The following AIG1 variants were observed in gnomAD, a reference collection of about 807,000 sequenced individuals.
AIG1 encodes the protein androgen-induced gene 1 protein.
A neutral mutation model predicts 31.4 loss-of-function variants in AIG1; 23 were observed. The observed-to-expected ratio is 0.73, with a 90% CI of 0.53 to 1.04. The LOEUF (loss-of-function observed/expected upper bound fraction) is 1.04. Ranked by LOEUF, AIG1 falls within the 50% of genes least tolerant of loss-of-function variation. AIG1 has a pLI of 0.00. For missense variants in AIG1, 274 were observed against 295.0 expected (o/e 0.93, Z 0.52); for synonymous variants, 100 against 110.5 (o/e 0.90, Z 0.60).
intron 3 of AIG1, among the ~76,000 whole-genome samples, chr6:143,210,407 A>G (rs895497643): frequency 6.6e-6 from 1 of 152,242 alleles, no homozygotes; most frequent in Non-Finnish European, 1.5e-5. Flanking sequence ...ACCAGAAATC[A>G]TGATTCTCTC....
rs889370550 is a variant in AIG1 at position 143,329,316 on chromosome 6, G to A, written c.516-3966G>A. ...AGTTTTATGATAAGTTCTTTAGTCT[G>A]ATCTCAGTTTCTTTACCTGTTTAAA... On this transcript the variant is annotated intron_variant, in intron 4 of 5. Coordinates refer to ENST00000357847, the MANE Select transcript of AIG1 (RefSeq NM_016108.4). This position sits in a 1 kb window ranked among gnomAD's most constrained non-coding sequence, Gnocchi z 4.9. Among the ~76,000 whole-genome samples, 4 of 152,142 alleles carry A rather than the reference G, an allele frequency of 2.6e-5. No individual in the cohort carries two copies. Among genetic ancestry groups the A allele is most frequent in the Non-Finnish European group, 5.9e-5 (4 of 68,020 alleles).
intron 1 of AIG1, 55 bp from the exon 2 acceptor site, chr6:143,136,780 C>A: frequency 7.6e-7 from 1 of 1,309,112 alleles, no homozygotes; most frequent in South Asian, 3.1e-5. Flanking sequence ...TTTGCTGTTC[C>A]ACAGCTTGGG....
chr6:143,227,348 A>T (rs1477603714), intron 3 of AIG1, among the ~76,000 whole-genome samples: 1 of 152,096 alleles, frequency 6.6e-6, no homozygotes, highest in East Asian at 1.9e-4. Flanking sequence ...TCTGGTGGAG[A>T]GGAGCCATTA....
chr6:143,316,838 C>G (rs1309714092), intron 4 of AIG1, among the ~76,000 whole-genome samples: 1 of 151,932 alleles, frequency 6.6e-6, no homozygotes, highest in African/African-American at 2.4e-5. Flanking sequence ...ACAACTGATA[C>G]CACAGAAATA....
intron 4 of AIG1, among the ~76,000 whole-genome samples, chr6:143,286,948 G>A (rs985062752): frequency 6.6e-6 from 1 of 151,778 alleles, no homozygotes; most frequent in Admixed American, 6.6e-5. Context: ...CATTCTCGGT[G>A]GTTCTGTTTC....
rs75447344 is a variant in AIG1 at position 143,237,402 on chromosome 6, A to G, written c.400-46708A>G. 4.5e-3 allele frequency among the ~76,000 whole-genome samples: 681 copies of G among 152,348 alleles called. 2 individuals are homozygous for G. Among genetic ancestry groups the G allele is most frequent in the Non-Finnish European group, 7.5e-3 (511 of 68,034 alleles). ...AGTTGAGGCTACAATTTATTCATTT[A>G]ATAAACCTTTATAAGGAACATACGG... On this transcript the variant is annotated intron_variant, in intron 3 of 5. Coordinates refer to ENST00000357847, the MANE Select transcript of AIG1 (RefSeq NM_016108.4).
chr6:143,342,978 C>A, downstream of AIG1: 1 of 994,024 alleles, frequency 1.0e-6, no homozygotes, highest in Non-Finnish European at 1.6e-6. Flanking sequence ...AAGAGCAGTT[C>A]ATGGCAGTGT....
intron 3 of AIG1, chr6:143,188,032 G>A: frequency 1.8e-6 from 2 of 1,081,650 alleles, no homozygotes; most frequent in African/African-American, 3.3e-5. Flanking sequence ...TTTCTTTTAG[G>A]TGATTTTTAA....
chr6:143,291,773 T>C lies in AIG1; in HGVS notation c.515+7548T>C, dbSNP rs1798079160. ...AAGGAAAGCAGAAGGCCACTGTGTGTTGAAGCAGAGTGAGGGAGAGTGCAC... is the reference window on the plus strand; with the variant it reads ...AAGGAAAGCAGAAGGCCACTGTGTGCTGAAGCAGAGTGAGGGAGAGTGCAC... On this transcript the variant is annotated intron_variant, in intron 4 of 5. Transcript: ENST00000357847. The surrounding 1 kb of genome is among the most constrained non-coding windows in gnomAD (Gnocchi z 4.2). 6.6e-6 allele frequency among the ~76,000 whole-genome samples: 1 copy of C among 152,102 alleles called. No individual in the cohort carries two copies. Among genetic ancestry groups the C allele is most frequent in the African/African-American group, 2.4e-5 (1 of 41,402 alleles).
At chr6:143,203,776 A>G (rs117648976) in intron 3 of AIG1, among the ~76,000 whole-genome samples, 49 of 152,318 alleles carry the variant, frequency 3.2e-4, no homozygotes, top group Non-Finnish European at 6.3e-4. Context: ...GACACCTACA[A>G]CAAAGAAGGG....
Position 143,268,660 on chromosome 6 carries a change from G to A in AIG1, c.400-15450G>A, listed in dbSNP as rs980351779. Among the ~76,000 whole-genome samples the A allele has an allele frequency of 2.6e-5, 4 of 152,162 alleles. No individual in the cohort carries two copies. The highest frequency in any genetic ancestry group is 4.4e-5 in the Non-Finnish European group (3 of 68,020). Reference sequence around the variant, plus strand: ...GTCAGCAGATTCATAACCCTGCAGCGCAATTTTGGATTGTCAGAATCTGTT... The same window carrying A: ...GTCAGCAGATTCATAACCCTGCAGCACAATTTTGGATTGTCAGAATCTGTT... On this transcript the variant is annotated intron_variant, in intron 3 of 5. Transcript: ENST00000357847. The surrounding 1 kb of genome is among the most constrained non-coding windows in gnomAD (Gnocchi z 5.0).
At chr6:143,276,211 T>A (rs1182559970) in intron 3 of AIG1, among the ~76,000 whole-genome samples, 1 of 152,242 alleles carries the variant, frequency 6.6e-6, no homozygotes, top group South Asian at 2.1e-4. Flanking sequence ...TGCAACGATA[T>A]GCATGTCTTA....
rs1322832921 is a variant in AIG1, at chr6:143,325,819, T to A, written c.516-7463T>A. On this transcript the variant is annotated intron_variant, in intron 4 of 5. Transcript: ENST00000357847. This position sits in a 1 kb window ranked among gnomAD's most constrained non-coding sequence, Gnocchi z 4.3. ...CACTTCTGTTACTGTTTTAAAATGC[T>A]AGTAACAGTGAGTTACTGACAAATG... 2.0e-5 allele frequency among the ~76,000 whole-genome samples: 3 copies of A among 152,240 alleles called. No individual in the cohort carries two copies. The highest frequency in any genetic ancestry group is 6.5e-5 in the Admixed American group (1 of 15,280).
intron 3 of AIG1, among the ~76,000 whole-genome samples, chr6:143,205,167 A>C (rs1791015621): frequency 6.6e-6 from 1 of 152,206 alleles, no homozygotes; most frequent in East Asian, 1.9e-4. Context: ...AAATATGTCC[A>C]TCTATGTGCC....
chr6:143,141,004 CT>C (rs1784200328), intron 2 of AIG1, among the ~76,000 whole-genome samples: 1 of 152,336 alleles, frequency 6.6e-6, no homozygotes. Context: ...CTATTATCTA[CT>C]GTCTTTCTTT....
intron 2 of AIG1, among the ~76,000 whole-genome samples, chr6:143,146,199 G>GA (rs147727468): frequency 1.5e-4 from 23 of 150,304 alleles, no homozygotes; most frequent in South Asian, 6.3e-4. Flanking sequence ...TCTCTCTGGG[G>GA]AAAAAAAAAT....
At chr6:143,099,141 A>G (rs1383107695) in intron 1 of AIG1, among the ~76,000 whole-genome samples, 1 of 152,226 alleles carries the variant, frequency 6.6e-6, no homozygotes, top group Non-Finnish European at 1.5e-5. Context: ...ATAACCATAT[A>G]ATATTTTTCG....
chr6:143,162,513 TC>T (rs1268512139), intron 2 of AIG1, among the ~76,000 whole-genome samples: 1 of 152,180 alleles, frequency 6.6e-6, no homozygotes, highest in East Asian at 1.9e-4. Flanking sequence ...CAAGATTCCA[TC>T]CCCTGCTGCA....
In AIG1 at chr6:143,331,997, G is replaced by T. The variant is rs942200047; in HGVS notation, c.516-1285G>T. On this transcript the variant is annotated intron_variant, in intron 4 of 5. Transcript: ENST00000357847. This position sits in a 1 kb window ranked among gnomAD's most constrained non-coding sequence, Gnocchi z 4.1. ...AGTGATGCTTGTGCCTCAGCCTCCC[G>T]AGTAGCTGGGATTACAGGCGCGCAC... Among the ~76,000 whole-genome samples the T allele has an allele frequency of 3.3e-5, 5 of 151,412 alleles. No individual in the cohort carries two copies. Among genetic ancestry groups the T allele is most frequent in the African/African-American group, 1.2e-4 (5 of 41,178 alleles).
Sources: allele counts gnomAD v4.1 joint callset (sites outside exome capture counted in the v4.1 genomes callset), GRCh38; gene constraint gnomAD v4.1.1; non-coding constraint Gnocchi (gnomAD v3.1); transcripts MANE v1.5; gene names NCBI Gene and HGNC (gene_info 2026-07-23, HGNC 2026-07-21).